The following SLC24A3 variants were observed in gnomAD, a reference collection of about 807,000 sequenced individuals.
SLC24A3 encodes sodium/potassium/calcium exchanger 3.
Under a neutral mutation model 75.8 loss-of-function variants are expected in SLC24A3, and 28 were observed. The observed-to-expected ratio is 0.37, with a 90% CI of 0.27 to 0.51. The LOEUF is 0.51. SLC24A3 is among the 20% of genes least tolerant of loss of function. The pLI is 0.94. For missense variants in SLC24A3, 663 were observed against 847.8 expected, an observed-to-expected ratio of 0.78 and a Z score of 2.71; for synonymous variants, 372 against 334.1, an observed-to-expected ratio of 1.11 and a Z score of -1.24.
At chr20:19,466,542 G>T (rs919185401) in intron 2 of SLC24A3, among the ~76,000 whole-genome samples, 3 of 152,194 alleles carry the variant, frequency 2.0e-5, no homozygotes, top group Non-Finnish European at 4.4e-5. Flanking sequence ...CCCTGAAAAG[G>T]TAATAAAATA....
intron 2 of SLC24A3, among the ~76,000 whole-genome samples, chr20:19,283,450 A>G (rs1043908405): frequency 6.6e-6 from 1 of 152,254 alleles, no homozygotes; most frequent in Non-Finnish European, 1.5e-5. Flanking sequence ...CACCAACTAC[A>G]TGTCAAATAC....
intron 3 of SLC24A3, among the ~76,000 whole-genome samples, chr20:19,542,089 G>T (rs1350009346): frequency 6.6e-6 from 1 of 152,196 alleles, no homozygotes; most frequent in Non-Finnish European, 1.5e-5. Flanking sequence ...AGGTGGCATT[G>T]AAAGGGGAGA....
chr20:19,264,728 C>CAAAA (rs371253803), intron 1 of SLC24A3, among the ~76,000 whole-genome samples: 1,526 of 97,876 alleles, frequency 0.016, 52 homozygotes, highest in East Asian at 0.08. Flanking sequence ...GACTCCATCT[C>CAAAA]AAAAAAAAAA....
At chr20:19,374,519 G>A (rs1266747425) in intron 2 of SLC24A3, among the ~76,000 whole-genome samples, 1 of 152,126 alleles carries the variant, frequency 6.6e-6, no homozygotes, top group Non-Finnish European at 1.5e-5. Flanking sequence ...ATCTCTCCTG[G>A]AGTTCTGGGC....
At chr20:19,386,721 A>G (rs1021029879) in intron 2 of SLC24A3, among the ~76,000 whole-genome samples, 1 of 152,094 alleles carries the variant, frequency 6.6e-6, no homozygotes. Context: ...ATGTTAATTG[A>G]TTTGCATTTG....
intron 15 of SLC24A3, among the ~76,000 whole-genome samples, chr20:19,708,771 A>G (rs1213821738): frequency 2.0e-5 from 3 of 152,202 alleles, no homozygotes; most frequent in Admixed American, 2.0e-4. Context: ...AGGTTATTCA[A>G]ACAGAGCTCC....
chr20:19,227,242 T>A (rs1981892675), intron 1 of SLC24A3, among the ~76,000 whole-genome samples: 1 of 152,246 alleles, frequency 6.6e-6, no homozygotes, highest in African/African-American at 2.4e-5. Context: ...ACACGTTTGT[T>A]GAACTTTTAT....
chr20:19,263,424 G>A (rs1177808978), intron 1 of SLC24A3, among the ~76,000 whole-genome samples: 1 of 152,142 alleles, frequency 6.6e-6, no homozygotes, highest in Non-Finnish European at 1.5e-5. Flanking sequence ...CTTGTCAGGA[G>A]TCTGAAAAAT....
intron 2 of SLC24A3, among the ~76,000 whole-genome samples, chr20:19,404,645 C>T (rs1338546987): frequency 2.0e-5 from 3 of 152,186 alleles, no homozygotes; most frequent in Admixed American, 6.5e-5. Context: ...CAATGTGATA[C>T]AGCATGGTTG....
intron 15 of SLC24A3, among the ~76,000 whole-genome samples, chr20:19,708,003 A>G (rs1600351190): frequency 7.2e-6 from 1 of 138,444 alleles, no homozygotes; most frequent in Admixed American, 7.1e-5. Context: ...GGCCTAGAAC[A>G]TGTCGTGATG....
intron 6 of SLC24A3, among the ~76,000 whole-genome samples, chr20:19,627,487 C>A (rs1460717279): frequency 6.6e-6 from 1 of 152,198 alleles, no homozygotes; most frequent in East Asian, 1.9e-4. Flanking sequence ...TTACACTTTC[C>A]ATGGACACAA....
chr20:19,561,208 G>T (rs1335855920), intron 3 of SLC24A3, among the ~76,000 whole-genome samples: 1 of 152,138 alleles, frequency 6.6e-6, no homozygotes, highest in African/African-American at 2.4e-5. Flanking sequence ...GGGGCAAAAA[G>T]AAATTGGCTA....
chr20:19,471,681 G>T (rs1216780674), intron 2 of SLC24A3, among the ~76,000 whole-genome samples: 2 of 152,158 alleles, frequency 1.3e-5, no homozygotes, highest in Non-Finnish European at 2.9e-5. Context: ...CCATCACTCT[G>T]TCGGGGAAGA....
At chr20:19,511,529 G>A (rs1026228227) in intron 2 of SLC24A3, among the ~76,000 whole-genome samples, 5 of 151,922 alleles carry the variant, frequency 3.3e-5, no homozygotes, top group East Asian at 1.9e-4. Context: ...GGGTTTCACC[G>A]TGTTAGCCAG....
At chr20:19,582,113 G>C (rs1192558084) in intron 4 of SLC24A3, among the ~76,000 whole-genome samples, 1 of 152,186 alleles carries the variant, frequency 6.6e-6, no homozygotes, top group Non-Finnish European at 1.5e-5. Flanking sequence ...CATATATTTA[G>C]AGATCCTGAC....
chr20:19,603,902 G>A (rs996655901), intron 6 of SLC24A3, among the ~76,000 whole-genome samples: 1 of 152,180 alleles, frequency 6.6e-6, no homozygotes, highest in Non-Finnish European at 1.5e-5. Context: ...CCCTGGGTCT[G>A]TGCTGAGCCC....
chr20:19,321,156 G>A (rs1242473143), intron 2 of SLC24A3, among the ~76,000 whole-genome samples: 2 of 152,094 alleles, frequency 1.3e-5, no homozygotes, highest in Non-Finnish European at 2.9e-5. Context: ...GTAAGCTGCA[G>A]AAAGACATCA....
At chr20:19,467,328 A>G (rs999126793) in intron 2 of SLC24A3, among the ~76,000 whole-genome samples, 7 of 152,224 alleles carry the variant, frequency 4.6e-5, no homozygotes, top group African/African-American at 1.4e-4. Context: ...AAAACTCCAA[A>G]CGGGTGGCTT....
chr20:19,433,293 C>G (rs75240140), intron 2 of SLC24A3, among the ~76,000 whole-genome samples: 3,379 of 152,240 alleles, frequency 0.022, 117 homozygotes, highest in African/African-American at 0.077. Context: ...TGGGTCAAAT[C>G]ACAGAGAGCT....
Sources: gnomAD v4.1 joint callset for allele counts (sites outside exome capture counted in the v4.1 genomes callset) on GRCh38, gnomAD v4.1.1 for gene constraint, MANE v1.5 for transcripts, NCBI Gene and HGNC (gene_info 2026-07-23, HGNC 2026-07-21) for gene names.